Variants in CFAP61 observed in about 807,000 individuals in gnomAD.
CFAP61 encodes cilia- and flagella-associated protein 61.
CFAP61 carries 107 observed loss-of-function variants against 135.6 expected under a neutral mutation model. The observed-to-expected ratio is 0.79, with a 90% CI of 0.67 to 0.93. The LOEUF (loss-of-function observed/expected upper bound fraction) is 0.93, where lower values mean the gene tolerates loss of function less well. Ranked by LOEUF, CFAP61 falls within the 40% of genes least tolerant of loss-of-function variation. The pLI, the probability that CFAP61 is intolerant of heterozygous loss-of-function variation, is 0.00. For synonymous variants in CFAP61, 575 were observed against 578.5 expected, an observed-to-expected ratio of 0.99 and a Z score of 0.09; for missense variants, 1,507 against 1,556.2, an observed-to-expected ratio of 0.97 and a Z score of 0.53.
rs527808247 is a variant in CFAP61, at chr20:20,090,819, G to A, written c.567-25G>A. The A allele has an allele frequency of 1.2e-6, 2 of 1,611,866 alleles. 1 individual carries two copies. The highest frequency in any genetic ancestry group is 4.5e-5 in the East Asian group (2 of 44,836). On this transcript the variant is annotated intron_variant, in intron 6 of 26. Transcript: ENST00000245957. ...GGAAAAAAATGAGTGAACGAACACT[G>A]AACTTCAGCCTTTCTATTAAACAGG...
In CFAP61 at chr20:20,350,857, A is replaced by G. The variant is rs75618046; in HGVS notation, c.3513+8936A>G. Among the ~76,000 whole-genome samples the G allele has an allele frequency of 4.7e-3, 715 of 152,356 alleles. 2 individuals are homozygous for G. The highest frequency in any genetic ancestry group is 0.017 in the African/African-American group (692 of 41,584). ...ATACAAAGCACATGAACCTCAAAACATTATGCTAGAAGGCAGAGAAAGCAT... is the reference window on the plus strand; with the variant it reads ...ATACAAAGCACATGAACCTCAAAACGTTATGCTAGAAGGCAGAGAAAGCAT... On this transcript the variant is annotated intron_variant, in intron 26 of 26. Coordinates refer to ENST00000245957, the MANE Select transcript of CFAP61 (RefSeq NM_015585.4).
intron 25 of CFAP61, among the ~76,000 whole-genome samples, chr20:20,319,524 G>A (rs2057325529): frequency 6.6e-6 from 1 of 152,180 alleles, no homozygotes; most frequent in African/African-American, 2.4e-5. Flanking sequence ...GTTTAAAAGT[G>A]CGTAGCACCT....
rs149039879 is a variant in CFAP61, at chr20:20,278,491, G to C, written c.2796+1033G>C. 1.7e-3 allele frequency among the ~76,000 whole-genome samples: 257 copies of C among 152,348 alleles called. 1 individual carries two copies. Among genetic ancestry groups the C allele is most frequent in the Middle Eastern group, 3.4e-3 (1 of 294 alleles). On this transcript the variant is annotated intron_variant, in intron 22 of 26. Transcript: ENST00000245957. ...AGAAGCAGGGGAACCTTGCTCGAAA[G>C]GGAAGCTGAGGTCGGTATGAGGATA...
At chr20:20,062,195 G>A (rs1242353429) in intron 2 of CFAP61, among the ~76,000 whole-genome samples, 1 of 152,088 alleles carries the variant, frequency 6.6e-6, no homozygotes, top group Non-Finnish European at 1.5e-5. Context: ...CAGCCCCTTT[G>A]GGCCACCCTC....
chr20:20,086,203 A>C (rs1250789087), intron 6 of CFAP61, among the ~76,000 whole-genome samples: 1 of 149,456 alleles, frequency 6.7e-6, no homozygotes, highest in African/African-American at 2.5e-5. Flanking sequence ...TTTAGGGTAC[A>C]TGTGCACAAT....
At chr20:20,323,141 T>C (rs2057598644) in intron 25 of CFAP61, 1 of 985,306 alleles carries the variant, frequency 1.0e-6, no homozygotes, top group Admixed American at 6.1e-5. Context: ...CCGCCAAGGC[T>C]CAGCTAGGCG....
chr20:20,349,571 G>C (rs2058756958), intron 26 of CFAP61, among the ~76,000 whole-genome samples: 1 of 151,094 alleles, frequency 6.6e-6, no homozygotes, highest in African/African-American at 2.4e-5. Flanking sequence ...AGAGTTGAAG[G>C]GAAAAAAACA....
chr20:20,264,530 G>T (rs2052546070), intron 21 of CFAP61, among the ~76,000 whole-genome samples: 1 of 152,130 alleles, frequency 6.6e-6, no homozygotes, highest in South Asian at 2.1e-4. Context: ...TAGCCTTTTA[G>T]TCATTCTGTA....
At chr20:20,095,460 G>A (rs989014973) in intron 7 of CFAP61, 1 of 152,282 alleles carries the variant, frequency 6.6e-6, no homozygotes, top group Non-Finnish European at 1.5e-5. Flanking sequence ...GCTGTGCCCT[G>A]TGGGAAACCC....
intron 13 of CFAP61, among the ~76,000 whole-genome samples, chr20:20,184,912 C>T (rs541374785): frequency 2.6e-5 from 4 of 152,226 alleles, no homozygotes; most frequent in African/African-American, 9.6e-5. Context: ...GCATAGTGGC[C>T]TGTGCAGCAG....
At chr20:20,310,512 G>T (rs1285098638) in intron 25 of CFAP61, among the ~76,000 whole-genome samples, 2 of 152,164 alleles carry the variant, frequency 1.3e-5, no homozygotes, top group African/African-American at 4.8e-5. Context: ...CTCAGCTAAG[G>T]TTCCACTGCA....
intron 8 of CFAP61, among the ~76,000 whole-genome samples, chr20:20,129,337 T>C (rs995302266): frequency 4.0e-5 from 6 of 151,814 alleles, no homozygotes; most frequent in Non-Finnish European, 8.8e-5. Context: ...GTTTGCTGGA[T>C]ACAGTATTCT....
intron 9 of CFAP61, among the ~76,000 whole-genome samples, chr20:20,143,979 G>C (rs1045721817): frequency 1.3e-5 from 2 of 152,228 alleles, no homozygotes; most frequent in African/African-American, 4.8e-5. Flanking sequence ...AGCCAGACTG[G>C]AAAAGCTTAT....
intron 25 of CFAP61, among the ~76,000 whole-genome samples, chr20:20,314,650 AG>A (rs1429716139): frequency 1.4e-5 from 2 of 142,208 alleles, no homozygotes; most frequent in African/African-American, 2.7e-5. Flanking sequence ...CTCGTCATCT[AG>A]CATTAGGTAT....
chr20:20,213,472 A>C (rs967292902), intron 17 of CFAP61, among the ~76,000 whole-genome samples: 3 of 152,116 alleles, frequency 2.0e-5, no homozygotes, highest in African/African-American at 7.2e-5. Context: ...AAATTTTGGA[A>C]AAGGTGAAAT....
At chr20:20,302,068 G>A (rs1298687560) in intron 25 of CFAP61, among the ~76,000 whole-genome samples, 2 of 152,024 alleles carry the variant, frequency 1.3e-5, no homozygotes, top group East Asian at 3.9e-4. Context: ...TTCAATAAAG[G>A]TTTATCATTT....
At chr20:20,118,266 T>TTTCTTTCTTTCTTTCC (rs2049310651) in intron 8 of CFAP61, among the ~76,000 whole-genome samples, 1 of 70,326 alleles carries the variant, frequency 1.4e-5, no homozygotes. Flanking sequence ...TCTTTCTTTC[T>TTTCTTTCTTTCTTTCC]TTCTTTCTTT....
intron 25 of CFAP61, among the ~76,000 whole-genome samples, chr20:20,322,339 T>G (rs1223997680): frequency 2.0e-5 from 3 of 152,174 alleles, no homozygotes; most frequent in African/African-American, 7.2e-5. Flanking sequence ...GTTCCCTGTT[T>G]CCTGACATGA....
chr20:20,204,964 C>T (rs1332846991), intron 17 of CFAP61, among the ~76,000 whole-genome samples: 1 of 152,098 alleles, frequency 6.6e-6, no homozygotes, highest in Non-Finnish European at 1.5e-5. Context: ...CTCTCAGATT[C>T]TTGGGATCAT....
Sources: allele counts gnomAD v4.1 joint callset (sites outside exome capture counted in the v4.1 genomes callset), GRCh38; gene constraint gnomAD v4.1.1; transcripts MANE v1.5; gene names NCBI Gene and HGNC (gene_info 2026-07-23, HGNC 2026-07-21).